HSPA4: variants seen among roughly 807,000 people sequenced by gnomAD.
HSPA4 encodes the protein heat shock 70 kDa protein 4.
Under a neutral mutation model 106.2 loss-of-function variants are expected in HSPA4, and 25 were observed. The ratio of observed to expected loss-of-function variants is 0.24; its 90% CI spans 0.17 to 0.33. The LOEUF is 0.33. Among genes scored for constraint, HSPA4 ranks in the 10% least tolerant of loss-of-function variants. HSPA4 has a pLI of 1.00. For missense variants in HSPA4, 841 were observed against 996.0 expected, an observed-to-expected ratio of 0.84 and a Z score of 2.10; for synonymous variants, 332 against 333.6, an observed-to-expected ratio of 1.00 and a Z score of 0.05.
chr5:133,066,736 C>CTTTTTTTTTTTT (rs58483780), intron 2 of HSPA4, among the ~76,000 whole-genome samples: 24 of 129,424 alleles, frequency 1.9e-4, no homozygotes, highest in Non-Finnish European at 2.5e-4. Context: ...TTTCTTTTTT[C>CTTTTTTTTTTTT]TTTTTTTTTT....
At chr5:133,079,982 G>A (rs1160380555) in intron 7 of HSPA4, among the ~76,000 whole-genome samples, 2 of 152,140 alleles carry the variant, frequency 1.3e-5, no homozygotes, top group Non-Finnish European at 1.5e-5. Flanking sequence ...TTCTTTCCTT[G>A]TTGAGGATCT....
intron 1 of HSPA4, among the ~76,000 whole-genome samples, chr5:133,063,158 A>G (rs1277932544): frequency 6.6e-6 from 1 of 151,268 alleles, no homozygotes; most frequent in Non-Finnish European, 1.5e-5. Flanking sequence ...GTGCAATAGC[A>G]TGATCACAGC....
At chr5:133,064,930 T>G in intron 1 of HSPA4, 50 bp from the exon 2 acceptor site, 1 of 1,470,664 alleles carries the variant, frequency 6.8e-7, no homozygotes, top group Non-Finnish European at 9.5e-7. Context: ...TGCTTTTGGA[T>G]TTATTATTGT....
At chr5:133,096,004 TAAAA>T (rs1224662516) in intron 13 of HSPA4, 90 bp from the exon 14 acceptor site, 2 of 1,080,914 alleles carry the variant, frequency 1.9e-6, no homozygotes, top group Non-Finnish European at 2.6e-6. Context: ...GAGAACGAAG[TAAAA>T]AAAGCAAAAA....
intron 1 of HSPA4, chr5:133,052,869 G>A (rs191507509): frequency 0.011 from 1,725 of 153,158 alleles, 16 homozygotes; most frequent in Non-Finnish European, 0.017. Flanking sequence ...GCCCGGAAGA[G>A]AGCGAGCTGG....
intron 16 of HSPA4, among the ~76,000 whole-genome samples, chr5:133,100,469 T>C (rs1278919034): frequency 2.0e-5 from 3 of 152,032 alleles, no homozygotes; most frequent in Non-Finnish European, 4.4e-5. Flanking sequence ...TGACCTTGGC[T>C]CACTGCAAGC....
chr5:133,064,365 G>A (rs1472205271), intron 1 of HSPA4, among the ~76,000 whole-genome samples: 1 of 152,170 alleles, frequency 6.6e-6, no homozygotes, highest in Non-Finnish European at 1.5e-5. Context: ...AATTAGCTGG[G>A]CGTGATGGTG....
In HSPA4 at chr5:133,074,147, C is replaced by T. The variant is rs749967827; in HGVS notation, c.663+21C>T. 3.3e-5 allele frequency: 50 copies of T among 1,527,434 alleles called. No homozygotes were observed. The Admixed American group carries it at 9.7e-4, about 29-fold the overall frequency. 94.6% of individuals were successfully genotyped at this position (1,527,434 alleles called of 1,614,324 possible). On this transcript the variant is annotated intron_variant, in intron 6 of 18. Transcript: ENST00000304858. ...TGAAAGTAAGTATATATTTTTTTTC[C>T]AGAAGACTGTTAGTAGTATGGTAAT...
At chr5:133,104,205 A>C in intron 18 of HSPA4, 28 bp from the exon 19 acceptor site, 1 of 1,601,820 alleles carries the variant, frequency 6.2e-7, no homozygotes, top group South Asian at 1.1e-5. Flanking sequence ...TTTTATAAGA[A>C]ACCAGTTTTC....
intron 7 of HSPA4, among the ~76,000 whole-genome samples, chr5:133,084,788 A>G (rs568180313): frequency 6.6e-6 from 1 of 151,944 alleles, no homozygotes; most frequent in South Asian, 2.1e-4. Context: ...TTTTTTATTG[A>G]GATGTAATTT....
At chr5:133,090,771 A>G (rs1765637368) in intron 11 of HSPA4, among the ~76,000 whole-genome samples, 1 of 152,202 alleles carries the variant, frequency 6.6e-6, no homozygotes, top group Admixed American at 6.5e-5. Context: ...GAAAATGTAA[A>G]TAAAAACCTT....
intron 1 of HSPA4, among the ~76,000 whole-genome samples, chr5:133,054,822 C>T (rs1402462336): frequency 6.6e-6 from 1 of 152,098 alleles, no homozygotes; most frequent in Non-Finnish European, 1.5e-5. Context: ...AATGTCTCCC[C>T]TAAGGAACTG....
intron 3 of HSPA4, 62 bp downstream of exon 3, chr5:133,067,619 A>G (rs1323428348): frequency 7.4e-7 from 1 of 1,358,808 alleles, no homozygotes; most frequent in East Asian, 2.3e-5. Flanking sequence ...TCAGTTCAAT[A>G]TCTATCTGTA....
chr5:133,084,385 A>G (rs954625911), intron 7 of HSPA4, among the ~76,000 whole-genome samples: 2 of 152,156 alleles, frequency 1.3e-5, no homozygotes, highest in African/African-American at 4.8e-5. Flanking sequence ...TTGAACATGT[A>G]AGATCTCTGG....
chr5:133,095,829 T>C lies in HSPA4; in HGVS notation c.1651-269T>C, dbSNP rs181090127. Among the ~76,000 whole-genome samples, 473 of 152,292 alleles carry C rather than the reference T, an allele frequency of 3.1e-3. 1 individual carries two copies. Among genetic ancestry groups the C allele is most frequent in the Non-Finnish European group, 3.5e-3 (239 of 68,030 alleles). ...TTCATCTTGAAAAACTGAAACTCTA[T>C]ACCCATTAAATAACTTTCCATTATT... On this transcript the variant is annotated intron_variant, in intron 13 of 18. Transcript: ENST00000304858.
At chr5:133,062,758 TC>T (rs1714058634) in intron 1 of HSPA4, among the ~76,000 whole-genome samples, 1 of 152,144 alleles carries the variant, frequency 6.6e-6, no homozygotes, top group Non-Finnish European at 1.5e-5. Flanking sequence ...TGTTTGTTCT[TC>T]CTGTCATTTA....
chr5:133,063,884 C>T (rs1003352498), intron 1 of HSPA4, among the ~76,000 whole-genome samples: 1 of 152,106 alleles, frequency 6.6e-6, no homozygotes, highest in Admixed American at 6.5e-5. Context: ...GCCTCAGCCT[C>T]TTGAGTAGGT....
chr5:133,056,885 T>C (rs1300568911), intron 1 of HSPA4, among the ~76,000 whole-genome samples: 2 of 152,192 alleles, frequency 1.3e-5, no homozygotes, highest in Admixed American at 6.5e-5. Context: ...CTATAACTTA[T>C]ACCTTTTTTT....
rs1314955473 is a variant in HSPA4 at position 133,096,535 on chromosome 5, G to A, written c.1803+285G>A. Among the ~76,000 whole-genome samples, 4 of 152,064 alleles carry A rather than the reference G, an allele frequency of 2.6e-5. No individual in the cohort carries two copies. In the East Asian group the frequency reaches 5.8e-4, roughly 22 times the overall value. ...GGAGGTATTGTTCATTTTTGAATAC[G>A]TGGGTATATTTGTTCACTAGAGATT... On this transcript the variant is annotated intron_variant, in intron 14 of 18. Transcript: ENST00000304858.
Sources: gnomAD v4.1 joint callset for allele counts (sites outside exome capture counted in the v4.1 genomes callset) on GRCh38, gnomAD v4.1.1 for gene constraint, MANE v1.5 for transcripts, NCBI Gene and HGNC (gene_info 2026-07-23, HGNC 2026-07-21) for gene names.